Variants in SPIDR observed in about 807,000 individuals in gnomAD.
SPIDR encodes scaffold protein involved in DNA repair.
In SPIDR, 93 loss-of-function variants were observed where a neutral mutation model predicts 104.6. That is an observed-to-expected ratio of 0.89 (90% CI 0.75 to 1.06). SPIDR has a LOEUF of 1.06. Ranked by LOEUF, SPIDR falls within the 50% of genes least tolerant of loss-of-function variation. SPIDR has a pLI of 0.00. For missense variants in SPIDR, 1,154 were observed against 1,111.2 expected (o/e 1.04, Z -0.55); for synonymous variants, 431 against 416.9 (o/e 1.03, Z -0.41).
chr8:47,700,949 T>G (rs7815961), intron 12 of SPIDR, among the ~76,000 whole-genome samples: 1 of 152,150 alleles, frequency 6.6e-6, no homozygotes, highest in Non-Finnish European at 1.5e-5. Flanking sequence ...CCTGCTTGTT[T>G]ATGAGAGTGT....
At chr8:47,702,075 TCTCTCTCTCTCTCTCTCTCTCTTACACA>T (rs966371690) in intron 14 of SPIDR, 60 bp downstream of exon 14, 15 of 613,196 alleles carry the variant, frequency 2.4e-5, no homozygotes, top group Middle Eastern at 4.0e-4. Context: ...TCTCTCTCTC[TCTCTCTCTCTCTCTCTCTCTCTTACACA>T]CACACACACA....
intron 5 of SPIDR, among the ~76,000 whole-genome samples, chr8:47,304,134 C>T (rs2042725627): frequency 6.6e-6 from 1 of 152,114 alleles, no homozygotes; most frequent in African/African-American, 2.4e-5. Flanking sequence ...ATGTCCTCTC[C>T]AAAACTCTTG....
intron 5 of SPIDR, among the ~76,000 whole-genome samples, chr8:47,328,953 C>G (rs1301232474): frequency 1.3e-5 from 2 of 151,956 alleles, no homozygotes; most frequent in Non-Finnish European, 2.9e-5. Flanking sequence ...GTTGCACAGG[C>G]TAGAGTGCAG....
intron 5 of SPIDR, among the ~76,000 whole-genome samples, chr8:47,352,004 C>T (rs1198505229): frequency 2.0e-5 from 3 of 152,114 alleles, no homozygotes; most frequent in Admixed American, 6.5e-5. Context: ...TTGGGCTGGG[C>T]GCAGTGGCTC....
chr8:47,477,683 A>G (rs1334045900), intron 8 of SPIDR, among the ~76,000 whole-genome samples: 17 of 152,192 alleles, frequency 1.1e-4, no homozygotes, highest in African/African-American at 4.1e-4. Context: ...CTCAATAAGT[A>G]TTAAAGTGGC....
chr8:47,491,707 G>A (rs2078743394), intron 8 of SPIDR, among the ~76,000 whole-genome samples: 1 of 152,012 alleles, frequency 6.6e-6, no homozygotes, highest in Non-Finnish European at 1.5e-5. Flanking sequence ...GTATTAGCTT[G>A]GCATGGTGGC....
At chr8:47,614,073 A>G (rs185194279) in intron 10 of SPIDR, among the ~76,000 whole-genome samples, 42 of 152,098 alleles carry the variant, frequency 2.8e-4, no homozygotes, top group Admixed American at 2.5e-3. Flanking sequence ...CCCTGTGTCC[A>G]TAAGTTCTCA....
At chr8:47,678,658 G>T (rs764722894) in intron 11 of SPIDR, among the ~76,000 whole-genome samples, 15 of 152,124 alleles carry the variant, frequency 9.9e-5, no homozygotes, top group Non-Finnish European at 1.6e-4. Flanking sequence ...AAAGGCATGG[G>T]CTAAGGGCTA....
At chr8:47,684,196 AT>A in intron 11 of SPIDR, among the ~76,000 whole-genome samples, 1 of 151,982 alleles carries the variant, frequency 6.6e-6, no homozygotes, top group East Asian at 1.9e-4. Context: ...AACTGTTAAA[AT>A]TTTTTCTTGG....
chr8:47,673,700 C>T (rs2076072871), intron 10 of SPIDR, 101 bp from the exon 11 acceptor site: 2 of 1,457,922 alleles, frequency 1.4e-6, no homozygotes, highest in Non-Finnish European at 1.9e-6. Context: ...TGACCAGTCA[C>T]AGCAGTATAT....
At chr8:47,635,887 A>G (rs147130013) in intron 10 of SPIDR, among the ~76,000 whole-genome samples, 8 of 152,324 alleles carry the variant, frequency 5.3e-5, no homozygotes, top group African/African-American at 1.7e-4. Flanking sequence ...GTAGCCTTGG[A>G]TAAGGAGACC....
intron 8 of SPIDR, chr8:47,592,004 A>T (rs991495586): frequency 1.5e-6 from 1 of 666,128 alleles, no homozygotes; most frequent in East Asian, 2.8e-5. Flanking sequence ...GCTAATGTGC[A>T]TTTAATCACC....
intron 8 of SPIDR, among the ~76,000 whole-genome samples, chr8:47,487,182 C>A (rs1554732082): frequency 2.5e-4 from 1 of 3,964 alleles, no homozygotes; most frequent in African/African-American, 4.8e-4. Flanking sequence ...GAAAACAAAA[C>A]AAAACAAAAA....
At position 47,649,879 on chromosome 8, in the gene SPIDR, G is replaced by T. The variant is rs539129838; in HGVS notation, c.1545-23922G>T. On this transcript the variant is annotated intron_variant, in intron 10 of 19. Transcript: ENST00000297423. ...AAATCATATGATCATTTTAATAGATGCAGAAAAAGCATTCAATAAAATCCA... is the reference window on the plus strand; with the variant it reads ...AAATCATATGATCATTTTAATAGATTCAGAAAAAGCATTCAATAAAATCCA... 3.0e-3 allele frequency among the ~76,000 whole-genome samples: 454 copies of T among 152,184 alleles called. 3 individuals carry two copies. Among genetic ancestry groups the T allele is most frequent in the African/African-American group, 0.011 (444 of 41,520 alleles).
intron 7 of SPIDR, among the ~76,000 whole-genome samples, chr8:47,418,865 A>G (rs981132228): frequency 6.6e-6 from 1 of 152,130 alleles, no homozygotes; most frequent in Non-Finnish European, 1.5e-5. Context: ...TTCTACATCT[A>G]TTGAGATATT....
chr8:47,647,515 T>A (rs907980108), intron 10 of SPIDR, among the ~76,000 whole-genome samples: 7 of 151,986 alleles, frequency 4.6e-5, no homozygotes, highest in African/African-American at 1.7e-4. Context: ...CTCAGGAGGC[T>A]GAGGCAGGAG....
At chr8:47,455,933 A>G (rs1306730233) in intron 8 of SPIDR, among the ~76,000 whole-genome samples, 3 of 152,226 alleles carry the variant, frequency 2.0e-5, no homozygotes, top group African/African-American at 7.2e-5. Context: ...ACTTTCAATA[A>G]TGGACAGAAC....
chr8:47,328,911 T>G (rs1198301826), intron 5 of SPIDR, among the ~76,000 whole-genome samples: 3 of 152,128 alleles, frequency 2.0e-5, no homozygotes, highest in African/African-American at 7.2e-5. Context: ...TTCACAATTT[T>G]TTTTTTCTTT....
intron 7 of SPIDR, among the ~76,000 whole-genome samples, chr8:47,408,831 C>T (rs952686272): frequency 5.9e-5 from 9 of 152,144 alleles, no homozygotes; most frequent in Admixed American, 3.9e-4. Flanking sequence ...ATATTAACAA[C>T]GAGATATTTT....
Sources: gnomAD v4.1 joint callset for allele counts (sites outside exome capture counted in the v4.1 genomes callset) on GRCh38, gnomAD v4.1.1 for gene constraint, MANE v1.5 for transcripts, NCBI Gene and HGNC (gene_info 2026-07-23, HGNC 2026-07-21) for gene names.